The following SLC8A1 variants were observed in gnomAD, a reference collection of about 807,000 sequenced individuals.
SLC8A1 encodes the protein solute carrier family 8 member A1, also known as sodium/calcium exchanger 1.
A neutral mutation model predicts 68.3 loss-of-function variants in SLC8A1; 18 were observed. The ratio of observed to expected loss-of-function variants is 0.26; its 90% CI spans 0.18 to 0.39. SLC8A1 has a LOEUF of 0.39. SLC8A1 is among the 10% of genes least tolerant of loss of function. The pLI is 1.00. For missense variants in SLC8A1, 985 were observed against 1,156.7 expected, an observed-to-expected ratio of 0.85 and a Z score of 2.15; for synonymous variants, 475 against 415.5, an observed-to-expected ratio of 1.14 and a Z score of -1.74.
At chr2:40,337,307 C>G (rs994203936) in intron 2 of SLC8A1, 77 of 351,416 alleles carry the variant, frequency 2.2e-4, no homozygotes, top group Non-Finnish European at 1.4e-4. Flanking sequence ...TATGCATCAT[C>G]ATAAACAGTG....
intron 2 of SLC8A1, among the ~76,000 whole-genome samples, chr2:40,212,438 C>A (rs566593384): frequency 6.6e-6 from 1 of 152,150 alleles, no homozygotes; most frequent in African/African-American, 2.4e-5. Context: ...GTGTATGCCA[C>A]CATACCCAGC....
At chr2:40,423,737 G>A (rs901743086) in intron 2 of SLC8A1, among the ~76,000 whole-genome samples, 22 of 151,910 alleles carry the variant, frequency 1.4e-4, no homozygotes, top group African/African-American at 4.8e-4. Flanking sequence ...CAACCTTTCT[G>A]CACACAATCA....
At chr2:40,209,170 G>A (rs556413561) in intron 2 of SLC8A1, 82 of 152,152 alleles carry the variant, frequency 5.4e-4, no homozygotes, top group African/African-American at 2.0e-3. Flanking sequence ...GAGATGAGGA[G>A]TAATGAGGTG....
intron 4 of SLC8A1, among the ~76,000 whole-genome samples, chr2:40,171,131 T>C (rs938433997): frequency 1.3e-5 from 2 of 152,202 alleles, no homozygotes; most frequent in Non-Finnish European, 2.9e-5. Flanking sequence ...CATATGCTTG[T>C]CATCTAAACT....
intron 2 of SLC8A1, among the ~76,000 whole-genome samples, chr2:40,276,098 T>G (rs2066661197): frequency 6.6e-6 from 1 of 152,230 alleles, no homozygotes; most frequent in African/African-American, 2.4e-5. Context: ...TTTGCCAGTT[T>G]GATTGGCATA....
At chr2:40,404,192 G>A (rs949418460) in intron 2 of SLC8A1, among the ~76,000 whole-genome samples, 7 of 152,112 alleles carry the variant, frequency 4.6e-5, no homozygotes, top group African/African-American at 1.7e-4. Context: ...ACTGCACCCA[G>A]CCTAGCATAA....
intron 2 of SLC8A1, among the ~76,000 whole-genome samples, chr2:40,284,155 C>G (rs2067911795): frequency 6.6e-6 from 1 of 151,892 alleles, no homozygotes; most frequent in Non-Finnish European, 1.5e-5. Flanking sequence ...TGTGCTTTCT[C>G]TCTCTCTAGA....
At chr2:40,394,898 C>G (rs1277898904) in intron 2 of SLC8A1, among the ~76,000 whole-genome samples, 1 of 152,114 alleles carries the variant, frequency 6.6e-6, no homozygotes, top group Non-Finnish European at 1.5e-5. Context: ...GCCAAGAACT[C>G]TACCCCAATC....
chr2:40,132,656 GC>G (rs1381118204), intron 7 of SLC8A1, among the ~76,000 whole-genome samples: 1 of 152,122 alleles, frequency 6.6e-6, no homozygotes, highest in African/African-American at 2.4e-5. Context: ...GCTATCAATA[GC>G]TAACTGTTTT....
intron 2 of SLC8A1, among the ~76,000 whole-genome samples, chr2:40,370,706 C>A (rs74763212): frequency 0.025 from 3,758 of 152,156 alleles, 61 homozygotes; most frequent in Non-Finnish European, 0.037. Flanking sequence ...CTACTGTATT[C>A]TTGAGTCAGT....
At chr2:40,471,973 A>G (rs776183321) in intron 1 of SLC8A1, among the ~76,000 whole-genome samples, 3 of 152,172 alleles carry the variant, frequency 2.0e-5, no homozygotes, top group Non-Finnish European at 2.9e-5. Context: ...TAGGATAGAG[A>G]ACTCTTCCTG....
intron 2 of SLC8A1, among the ~76,000 whole-genome samples, chr2:40,259,650 T>C (rs1649312498): frequency 1.3e-5 from 2 of 152,082 alleles, no homozygotes; most frequent in African/African-American, 2.4e-5. Context: ...TCTCAATCTT[T>C]ATACCCATAA....
At chr2:40,150,197 G>A (rs1055306899) in intron 6 of SLC8A1, among the ~76,000 whole-genome samples, 2 of 152,144 alleles carry the variant, frequency 1.3e-5, no homozygotes, top group African/African-American at 4.8e-5. Context: ...AGGCAAGGGA[G>A]AAGCATGCGG....
intron 2 of SLC8A1, among the ~76,000 whole-genome samples, chr2:40,271,018 T>C (rs142449201): frequency 1.1e-4 from 16 of 152,300 alleles, no homozygotes; most frequent in African/African-American, 3.8e-4. Context: ...TCTTCCTCAC[T>C]GGTCCACTGT....
At chr2:40,454,268 G>T (rs1219418854), upstream of SLC8A1, among the ~76,000 whole-genome samples, 2 of 152,114 alleles carry the variant, frequency 1.3e-5, no homozygotes, top group African/African-American at 4.8e-5. Context: ...GCCAAATGAA[G>T]GAACCAAGAG....
intron 2 of SLC8A1, among the ~76,000 whole-genome samples, chr2:40,399,111 A>G (rs1687896158): frequency 2.0e-5 from 3 of 152,218 alleles, no homozygotes; most frequent in African/African-American, 7.2e-5. Context: ...GTCATATAAG[A>G]GGAAAGAACA....
chr2:40,449,527 A>G (rs1343176005), intron 1 of SLC8A1, among the ~76,000 whole-genome samples: 1 of 152,184 alleles, frequency 6.6e-6, no homozygotes, highest in Non-Finnish European at 1.5e-5. Context: ...AGTCCTATAG[A>G]TGTTACTGAC....
At chr2:40,297,915 T>A (rs2070725090) in intron 2 of SLC8A1, among the ~76,000 whole-genome samples, 1 of 152,174 alleles carries the variant, frequency 6.6e-6, no homozygotes, top group South Asian at 2.1e-4. Flanking sequence ...AGTCTCACTG[T>A]GTCGCCCAGG....
chr2:40,442,255 T>G (rs1576520482), intron 1 of SLC8A1, among the ~76,000 whole-genome samples: 1 of 142,744 alleles, frequency 7.0e-6, no homozygotes, highest in African/African-American at 2.6e-5. Flanking sequence ...TTACTAAAAG[T>G]GATAATTCAA....
Sources: allele counts gnomAD v4.1 joint callset (sites outside exome capture counted in the v4.1 genomes callset), GRCh38; gene constraint gnomAD v4.1.1; transcripts MANE v1.5; gene names NCBI Gene and HGNC (gene_info 2026-07-23, HGNC 2026-07-21).